The following FHIT variants were observed in gnomAD, a reference collection of about 807,000 sequenced individuals.
The protein encoded by FHIT is fragile histidine triad diadenosine triphosphatase, also known as bis(5'-adenosyl)-triphosphatase.
In FHIT, 19 loss-of-function variants were observed where a neutral mutation model predicts 17.9. The ratio of observed to expected loss-of-function variants is 1.06; its 90% confidence interval spans 0.74 to 1.56. The LOEUF (loss-of-function observed/expected upper bound fraction) is 1.56, where lower values mean the gene tolerates loss of function less well. Ranked by LOEUF, FHIT falls within the 40% of genes most tolerant of loss-of-function variation. The pLI, the probability that FHIT is intolerant of heterozygous loss-of-function variation, is 0.00. For synonymous variants in FHIT, 81 were observed against 69.7 expected (o/e 1.16, Z -0.81); for missense variants, 248 against 189.2 (o/e 1.31, Z -1.82).
At chr3:61,026,040 G>A (rs1295568526) in intron 3 of FHIT, among the ~76,000 whole-genome samples, 1 of 151,872 alleles carries the variant, frequency 6.6e-6, no homozygotes, top group African/African-American at 2.4e-5. Context: ...TGGTTCTCTG[G>A]GTGATAGGAT....
chr3:61,001,605 T>A (rs2031087554), intron 3 of FHIT, among the ~76,000 whole-genome samples: 1 of 152,204 alleles, frequency 6.6e-6, no homozygotes, highest in Non-Finnish European at 1.5e-5. Context: ...TGAAATATGA[T>A]AATCATAGAG....
chr3:60,668,347 C>T (rs1207066567), intron 4 of FHIT, among the ~76,000 whole-genome samples: 8 of 136,006 alleles, frequency 5.9e-5, no homozygotes, highest in Non-Finnish European at 7.6e-5. Flanking sequence ...TCTGATAGTT[C>T]CAGAGGGACA....
At chr3:60,226,029 A>G (rs1481876328) in intron 5 of FHIT, among the ~76,000 whole-genome samples, 1 of 152,166 alleles carries the variant, frequency 6.6e-6, no homozygotes, top group Non-Finnish European at 1.5e-5. Flanking sequence ...TAAGCTATTT[A>G]GCAGAGCAGC....
chr3:60,614,529 G>A (rs1391589213), intron 4 of FHIT, among the ~76,000 whole-genome samples: 1 of 152,016 alleles, frequency 6.6e-6, no homozygotes, highest in Non-Finnish European at 1.5e-5. Context: ...GCTTGAACCC[G>A]GGAGGCAGAG....
intron 4 of FHIT, among the ~76,000 whole-genome samples, chr3:60,629,071 G>A (rs565967424): frequency 8.5e-5 from 13 of 152,110 alleles, no homozygotes; most frequent in Non-Finnish European, 1.6e-4. Flanking sequence ...GTTGGGGGTA[G>A]GTGGAAGAAG....
chr3:60,595,945 C>T (rs2038256607), intron 4 of FHIT, among the ~76,000 whole-genome samples: 1 of 151,972 alleles, frequency 6.6e-6, no homozygotes, highest in Non-Finnish European at 1.5e-5. Context: ...TTTTCCTTTG[C>T]AATACAGTCT....
chr3:60,413,880 C>T lies in FHIT; in HGVS notation c.103+122980G>A, dbSNP rs72876846. Among the ~76,000 whole-genome samples the T allele has an allele frequency of 2.5e-3, 385 of 152,306 alleles. 3 individuals carry two copies. The highest frequency in any genetic ancestry group is 8.4e-3 in the African/African-American group (349 of 41,554). On this transcript the variant is annotated intron_variant, in intron 5 of 9. Transcript: ENST00000492590. ...TTTATTTAATAACTACCACATGCTA[C>T]GCACTGTGCTACATGTTAGGGGATA...
intron 5 of FHIT, among the ~76,000 whole-genome samples, chr3:60,405,762 TGAGTA>T (rs1701832894): frequency 6.6e-6 from 1 of 152,220 alleles, no homozygotes; most frequent in African/African-American, 2.4e-5. Context: ...AGGCATCTAC[TGAGTA>T]GAGGGCAGGG....
At chr3:60,071,572 G>A (rs1290907190) in intron 5 of FHIT, among the ~76,000 whole-genome samples, 1 of 152,084 alleles carries the variant, frequency 6.6e-6, no homozygotes, top group Non-Finnish European at 1.5e-5. Flanking sequence ...TCTAAATGCA[G>A]CTTGTATAGC....
chr3:60,447,509 A>G (rs1340473802), intron 5 of FHIT, among the ~76,000 whole-genome samples: 3 of 152,174 alleles, frequency 2.0e-5, no homozygotes, highest in East Asian at 1.9e-4. Flanking sequence ...TAAGACAGAT[A>G]TATCAAGCAA....
At chr3:61,102,538 G>A (rs932049291) in intron 2 of FHIT, among the ~76,000 whole-genome samples, 4 of 152,166 alleles carry the variant, frequency 2.6e-5, no homozygotes, top group Admixed American at 6.6e-5. Context: ...GTCTCTTCCA[G>A]GCTTTGGTAT....
chr3:60,756,334 T>G (rs2108042882), intron 4 of FHIT, among the ~76,000 whole-genome samples: 1 of 152,266 alleles, frequency 6.6e-6, no homozygotes, highest in South Asian at 2.1e-4. Context: ...ACATTGTCCC[T>G]TAGAAGCTCG....
At chr3:60,007,452 G>A (rs1699969177) in intron 7 of FHIT, among the ~76,000 whole-genome samples, 1 of 152,116 alleles carries the variant, frequency 6.6e-6, no homozygotes, top group Non-Finnish European at 1.5e-5. Flanking sequence ...AGAAACTTAT[G>A]AGATTCGTTC....
intron 4 of FHIT, among the ~76,000 whole-genome samples, chr3:60,711,575 C>T (rs1553705141): frequency 2.0e-5 from 3 of 152,054 alleles, no homozygotes; most frequent in South Asian, 2.1e-4. Context: ...CAGAGAAGTG[C>T]TTAAAGGAGC....
intron 5 of FHIT, among the ~76,000 whole-genome samples, chr3:60,323,890 T>C (rs897903274): frequency 6.6e-6 from 1 of 152,010 alleles, no homozygotes; most frequent in African/African-American, 2.4e-5. Context: ...TAGCAAATAC[T>C]AGAAAGGTGA....
At chr3:60,449,245 C>A (rs577157567) in intron 5 of FHIT, among the ~76,000 whole-genome samples, 8 of 152,234 alleles carry the variant, frequency 5.3e-5, no homozygotes, top group Non-Finnish European at 8.8e-5. Flanking sequence ...AGAACCAGTG[C>A]CCCGGTCTGT....
At chr3:60,372,305 C>A (rs1193505199) in intron 5 of FHIT, among the ~76,000 whole-genome samples, 2 of 152,140 alleles carry the variant, frequency 1.3e-5, no homozygotes, top group African/African-American at 4.8e-5. Flanking sequence ...GAGCACCACC[C>A]CTTCACCACC....
chr3:60,533,419 C>T (rs933982750), intron 5 of FHIT, among the ~76,000 whole-genome samples: 18 of 152,136 alleles, frequency 1.2e-4, no homozygotes, highest in African/African-American at 4.3e-4. Context: ...CAGGTCTCGT[C>T]CATAGGAAGC....
chr3:60,043,202 A>G (rs1317358729), intron 5 of FHIT, among the ~76,000 whole-genome samples: 1 of 152,188 alleles, frequency 6.6e-6, no homozygotes, highest in Non-Finnish European at 1.5e-5. Flanking sequence ...AACCCACAAC[A>G]ACGGTGACAT....
Sources: gnomAD v4.1 joint callset for allele counts (sites outside exome capture counted in the v4.1 genomes callset) on GRCh38, gnomAD v4.1.1 for gene constraint, MANE v1.5 for transcripts, NCBI Gene and HGNC (gene_info 2026-07-23, HGNC 2026-07-21) for gene names.